Variants in PPHLN1 observed in about 807,000 individuals in gnomAD.
PPHLN1 encodes the protein periphilin 1.
In PPHLN1, 29 loss-of-function variants were observed where a neutral mutation model predicts 51.3. The observed-to-expected ratio is 0.57, with a 90% CI of 0.42 to 0.77. The LOEUF (loss-of-function observed/expected upper bound fraction) is 0.77, where lower values mean the gene tolerates loss of function less well. Ranked by LOEUF, PPHLN1 falls within the 30% of genes least tolerant of loss-of-function variation. PPHLN1 has a pLI of 0.00. For synonymous variants in PPHLN1, 147 were observed against 147.8 expected, an observed-to-expected ratio of 0.99 and a Z score of 0.04; for missense variants, 436 against 438.4, an observed-to-expected ratio of 0.99 and a Z score of 0.05.
chr12:42,399,140 T>G, intron 9 of PPHLN1, 146 bp downstream of exon 9: 1 of 1,421,012 alleles, frequency 7.0e-7, no homozygotes, highest in Non-Finnish European at 9.2e-7. Flanking sequence ...TTGTTTGAGT[T>G]GACTTCACAG....
chr12:42,418,576 C>G (rs1221291056), intron 9 of PPHLN1, among the ~76,000 whole-genome samples: 1 of 152,032 alleles, frequency 6.6e-6, no homozygotes, highest in Non-Finnish European at 1.5e-5. Context: ...ATAGTGGCCT[C>G]CTCTCTACTG....
intron 4 of PPHLN1, among the ~76,000 whole-genome samples, chr12:42,369,800 C>G (rs2075625474): frequency 6.6e-6 from 1 of 152,220 alleles, no homozygotes; most frequent in Non-Finnish European, 1.5e-5. Flanking sequence ...CTCCAAGCCT[C>G]TGTTTCCACG....
At chr12:42,432,503 G>C (rs1204014656) in intron 9 of PPHLN1, among the ~76,000 whole-genome samples, 1 of 152,182 alleles carries the variant, frequency 6.6e-6, no homozygotes, top group East Asian at 1.9e-4. Flanking sequence ...AACCATATCA[G>C]ATTTGTCCAC....
At chr12:42,348,930 A>G (rs2072783940) in intron 2 of PPHLN1, among the ~76,000 whole-genome samples, 2 of 152,300 alleles carry the variant, frequency 1.3e-5, no homozygotes, top group African/African-American at 2.4e-5. Context: ...ATGTAAATGT[A>G]GAATATATCT....
intron 5 of PPHLN1, among the ~76,000 whole-genome samples, chr12:42,383,983 C>CAAAAAAAAAA (rs61016692): frequency 7.7e-5 from 4 of 51,644 alleles, no homozygotes; most frequent in Admixed American, 2.6e-4. Flanking sequence ...GACTGTGTCT[C>CAAAAAAAAAA]AAAAAAAAAA....
intron 5 of PPHLN1, among the ~76,000 whole-genome samples, chr12:42,377,927 G>A (rs888499905): frequency 6.6e-6 from 1 of 152,084 alleles, no homozygotes; most frequent in African/African-American, 2.4e-5. Flanking sequence ...TGATGCTCCT[G>A]TCTTAGGATC....
intron 2 of PPHLN1, among the ~76,000 whole-genome samples, chr12:42,346,623 T>G (rs2072372433): frequency 6.6e-6 from 1 of 152,206 alleles, no homozygotes; most frequent in South Asian, 2.1e-4. Flanking sequence ...GAGGGATTAC[T>G]AGGTCATGTG....
chr12:42,446,676 C>G, downstream of PPHLN1: 1 of 1,563,608 alleles, frequency 6.4e-7, no homozygotes, highest in Non-Finnish European at 8.7e-7. Flanking sequence ...TCAACAAAAC[C>G]TGATGCAAAA....
chr12:42,335,773 C>A (rs1438682173), intron 1 of PPHLN1, 110 bp from the exon 2 acceptor site: 120 of 212,696 alleles, frequency 5.6e-4, no homozygotes, highest in East Asian at 7.3e-4. Flanking sequence ...TTTTTTTTTT[C>A]TCTTAAGATC....
intron 7 of PPHLN1, among the ~76,000 whole-genome samples, chr12:42,392,492 T>C (rs1344656649): frequency 6.6e-6 from 1 of 152,142 alleles, no homozygotes; most frequent in African/African-American, 2.4e-5. Flanking sequence ...GAAGTAAAGC[T>C]TAGTAATAGA....
chr12:42,349,491 A>G (rs901572902), intron 2 of PPHLN1, among the ~76,000 whole-genome samples: 1 of 151,686 alleles, frequency 6.6e-6, no homozygotes. Context: ...AATAGTGGAG[A>G]GAAGGTCAGC....
chr12:42,368,967 C>T (rs140775722), intron 4 of PPHLN1, among the ~76,000 whole-genome samples: 36 of 152,184 alleles, frequency 2.4e-4, no homozygotes, highest in African/African-American at 4.6e-4. Context: ...TCAGGACGTG[C>T]GTAATTATTT....
chr12:42,374,791 C>T (rs1479111968), intron 4 of PPHLN1, 72 bp from the exon 5 acceptor site: 1 of 1,266,288 alleles, frequency 7.9e-7, no homozygotes, highest in Non-Finnish European at 1.1e-6. Context: ...ATAAGCAGAG[C>T]TTTTGCCATT....
chr12:42,358,961 A>C (rs1195018500), intron 4 of PPHLN1, among the ~76,000 whole-genome samples: 9 of 152,028 alleles, frequency 5.9e-5, no homozygotes, highest in South Asian at 2.1e-4. Flanking sequence ...TGTGTGTTTA[A>C]TTTTTTTTAA....
intron 4 of PPHLN1, chr12:42,374,607 ATTTTTTT>A (rs35683626): frequency 8.7e-5 from 14 of 160,326 alleles, no homozygotes; most frequent in Middle Eastern, 3.0e-3. Flanking sequence ...CGCCCAGCTA[ATTTTTTT>A]TTTTTTTTTT....
intron 9 of PPHLN1, among the ~76,000 whole-genome samples, chr12:42,400,747 G>A (rs11181479): frequency 0.06 from 9,065 of 151,674 alleles, 380 homozygotes; most frequent in East Asian, 0.18. Context: ...ACAGGGGAGA[G>A]CGAGACCCTG....
intron 9 of PPHLN1, among the ~76,000 whole-genome samples, chr12:42,423,368 T>C (rs996942048): frequency 1.3e-5 from 2 of 152,162 alleles, no homozygotes; most frequent in Non-Finnish European, 2.9e-5. Context: ...CTACTTTTAA[T>C]CTACCTGATA....
chr12:42,354,046 G>A (rs1592329381), intron 3 of PPHLN1, among the ~76,000 whole-genome samples: 1 of 151,932 alleles, frequency 6.6e-6, no homozygotes, highest in South Asian at 2.1e-4. Flanking sequence ...TATTTTATTA[G>A]CACTGTTAAG....
intron 4 of PPHLN1, among the ~76,000 whole-genome samples, chr12:42,356,692 A>G (rs2074081964): frequency 6.6e-6 from 1 of 152,216 alleles, no homozygotes; most frequent in Non-Finnish European, 1.5e-5. Flanking sequence ...TAGTTATAAA[A>G]ATAGCCAGCT....
Sources: allele counts gnomAD v4.1 joint callset (sites outside exome capture counted in the v4.1 genomes callset), GRCh38; gene constraint gnomAD v4.1.1; transcripts MANE v1.5; gene names NCBI Gene and HGNC (gene_info 2026-07-23, HGNC 2026-07-21).